The following ZBTB8A variants were observed in gnomAD, a reference collection of about 807,000 sequenced individuals.
ZBTB8A encodes the protein zinc finger and BTB domain-containing protein 8A.
A neutral mutation model predicts 37.8 loss-of-function variants in ZBTB8A; 19 were observed. The ratio of observed to expected loss-of-function variants is 0.50; its 90% CI spans 0.35 to 0.74. The LOEUF (loss-of-function observed/expected upper bound fraction) is 0.74. Ranked by LOEUF, ZBTB8A falls within the 30% of genes least tolerant of loss-of-function variation. The pLI is 0.01. For missense variants in ZBTB8A, 394 were observed against 537.8 expected (o/e 0.73, Z 2.65); for synonymous variants, 181 against 185.2 (o/e 0.98, Z 0.19).
intron 2 of ZBTB8A, among the ~76,000 whole-genome samples, chr1:32,567,458 T>G (rs1644288892): frequency 6.6e-6 from 1 of 152,148 alleles, no homozygotes; most frequent in South Asian, 2.1e-4. Context: ...AAACTGGCTC[T>G]TTTACCAAAT....
intron 2 of ZBTB8A, among the ~76,000 whole-genome samples, chr1:32,590,270 G>C (rs1001663132): frequency 1.3e-5 from 2 of 151,986 alleles, no homozygotes; most frequent in African/African-American, 4.8e-5. Flanking sequence ...CCCACACCAA[G>C]CAGGTAAAGT....
chr1:32,598,212 A>T (rs1644547516), intron 4 of ZBTB8A, among the ~76,000 whole-genome samples: 1 of 142,934 alleles, frequency 7.0e-6, no homozygotes, highest in Non-Finnish European at 1.5e-5. Flanking sequence ...AGACTGTATT[A>T]GCTTTCTTGG....
chr1:32,555,476 G>C (rs981443762), intron 2 of ZBTB8A, among the ~76,000 whole-genome samples: 1 of 152,144 alleles, frequency 6.6e-6, no homozygotes, highest in Non-Finnish European at 1.5e-5. Context: ...ATTACTGCCT[G>C]TTGGCCCTTT....
At chr1:32,581,060 C>G (rs964486354) in intron 2 of ZBTB8A, among the ~76,000 whole-genome samples, 1 of 131,242 alleles carries the variant, frequency 7.6e-6, no homozygotes, top group South Asian at 2.3e-4. Context: ...GACATTAAAA[C>G]CATAGCAATG....
At chr1:32,557,175 G>A (rs943810634) in intron 2 of ZBTB8A, among the ~76,000 whole-genome samples, 6 of 151,176 alleles carry the variant, frequency 4.0e-5, no homozygotes, top group South Asian at 2.1e-4. Context: ...GATGGTGTGC[G>A]CCTGTAGTCC....
At chr1:32,562,569 CTTTTTT>C (rs751648634) in intron 2 of ZBTB8A, among the ~76,000 whole-genome samples, 1 of 111,844 alleles carries the variant, frequency 8.9e-6, no homozygotes, top group Admixed American at 9.7e-5. Flanking sequence ...CCGCGTCCGG[CTTTTTT>C]TTTTTTTTTT....
rs1644569386 is a variant in ZBTB8A at position 32,600,680 on chromosome 1, C to A, written c.*261C>A. 2 of 361,840 alleles carry A rather than the reference C, an allele frequency of 5.5e-6. No individual in the cohort carries two copies. The highest frequency in any genetic ancestry group is 1.0e-5 in the Non-Finnish European group (2 of 199,522). The allele number at this position is 361,840 out of a possible 1,614,324, so 22.4% of individuals were successfully genotyped here. A position where few individuals can be genotyped will look rare whatever the true frequency, so the allele number is the denominator to read the frequency against. On this transcript the variant is annotated 3_prime_UTR_variant, in exon 5 of 5. Transcript: ENST00000373510. ...AACAATTATCCTCTTACTTTCATTA[C>A]AATCCTCTTACTTTATTCCAGAGAT...
At position 32,600,140 on chromosome 1, in the gene ZBTB8A, T is replaced by C; in HGVS notation, c.1047T>C (p.Asp349=). 1 of 1,614,200 alleles carries C rather than the reference T, an allele frequency of 6.2e-7. No individual in the cohort carries two copies. The highest frequency in any genetic ancestry group is 8.5e-7 in the Non-Finnish European group (1 of 1,180,038). The change falls in exon 5 of 5, where the codon GAT becomes GAC. Residue 349 remains aspartate, a synonymous_variant. Coordinates refer to ENST00000373510, the MANE Select transcript of ZBTB8A (RefSeq NM_001040441.3). The part of the protein sequence containing the change: ...ICRKCKRHVT[D]LTGQVVQEGT... ...GAAAATGTAAACGTCATGTGACAGA[T>C]CTAACAGGGCAAGTGGTACAGGAGG...
chr1:32,571,892 G>A lies in ZBTB8A; in HGVS notation c.-2+18352G>A, dbSNP rs111462143. On this transcript the variant is annotated intron_variant, in intron 2 of 4. Coordinates refer to ENST00000373510, the MANE Select transcript of ZBTB8A (RefSeq NM_001040441.3). ...GCGCCCGGCCACAAATATAATATTA[G>A]GTTGGGGGTTTTTTTTGTTTGTTTT... is the stretch of plus-strand genomic sequence containing the variant. Among the ~76,000 whole-genome samples the A allele has an allele frequency of 5.1e-3, 767 of 151,744 alleles. 10 individuals carry two copies. The highest frequency in any genetic ancestry group is 0.043 in the East Asian group (222 of 5,140).
Position 32,545,153 on chromosome 1 carries a change from G to A in ZBTB8A, c.-84+5581G>A, listed in dbSNP as rs369252139. Among the ~76,000 whole-genome samples, 26 of 151,690 alleles carry A rather than the reference G, an allele frequency of 1.7e-4. No homozygotes were observed. The East Asian group carries it at 4.8e-3, about 28-fold the overall frequency. ...GAAGGTTCTTACTTATCTATACTCT[G>A]GCCAACACTTAGTATTTTCATGTTT... On this transcript the variant is annotated intron_variant, in intron 1 of 4. Transcript: ENST00000373510.
intron 4 of ZBTB8A, among the ~76,000 whole-genome samples, chr1:32,597,820 G>A (rs1280667079): frequency 6.6e-6 from 1 of 152,088 alleles, no homozygotes; most frequent in Non-Finnish European, 1.5e-5. Flanking sequence ...CACGATCTCA[G>A]CTTACCACAA....
intron 1 of ZBTB8A, among the ~76,000 whole-genome samples, chr1:32,541,088 G>A (rs1198975998): frequency 6.6e-6 from 1 of 152,220 alleles, no homozygotes; most frequent in Non-Finnish European, 1.5e-5. Flanking sequence ...AGATAAAACT[G>A]TGTAATAGAC....
chr1:32,584,363 C>T (rs1288473846), intron 2 of ZBTB8A, among the ~76,000 whole-genome samples: 4 of 151,152 alleles, frequency 2.6e-5, no homozygotes, highest in East Asian at 1.9e-4. Context: ...TATACAAAGA[C>T]GGGAAAACGT....
chr1:32,570,504 A>G (rs1425344172), intron 2 of ZBTB8A, among the ~76,000 whole-genome samples: 2 of 152,214 alleles, frequency 1.3e-5, no homozygotes, highest in African/African-American at 2.4e-5. Flanking sequence ...CCACTTGAAT[A>G]GAATTGACAT....
chr1:32,569,980 T>C (rs1414404332), intron 2 of ZBTB8A, among the ~76,000 whole-genome samples: 1 of 152,176 alleles, frequency 6.6e-6, no homozygotes, highest in Non-Finnish European at 1.5e-5. Context: ...CCCAAAGACT[T>C]TCTCCTTTGT....
chr1:32,567,584 G>A (rs544910029), intron 2 of ZBTB8A, among the ~76,000 whole-genome samples: 76 of 151,484 alleles, frequency 5.0e-4, no homozygotes, highest in Non-Finnish European at 9.1e-4. Context: ...CACAAGGTCA[G>A]GAGATCGAGA....
rs371036633 is a variant in ZBTB8A, at chr1:32,600,446, A to G, written c.*27A>G. 1 of 1,535,702 alleles carries G rather than the reference A, an allele frequency of 6.5e-7. No homozygotes were observed. The highest frequency in any genetic ancestry group is 1.8e-5 in the Admixed American group (1 of 55,638). On this transcript the variant is annotated 3_prime_UTR_variant, in exon 5 of 5. Transcript: ENST00000373510. Reference sequence around the variant, plus strand: ...TGTAATGTGAACCAACAGAGCTGGCATGTCTGCAATTTACATTGACTTCCT... The same window carrying G: ...TGTAATGTGAACCAACAGAGCTGGCGTGTCTGCAATTTACATTGACTTCCT...
At chr1:32,560,984 G>C (rs1376251862) in intron 2 of ZBTB8A, among the ~76,000 whole-genome samples, 1 of 151,850 alleles carries the variant, frequency 6.6e-6, no homozygotes, top group African/African-American at 2.4e-5. Flanking sequence ...CTCCTGCCTG[G>C]TCTCACTGCC....
chr1:32,591,504 C>A (rs1644488079), intron 2 of ZBTB8A, among the ~76,000 whole-genome samples: 1 of 152,090 alleles, frequency 6.6e-6, no homozygotes, highest in African/African-American at 2.4e-5. Flanking sequence ...TAGGCGTGAG[C>A]TACCACCCTG....
Sources: allele counts gnomAD v4.1 joint callset (sites outside exome capture counted in the v4.1 genomes callset), GRCh38; gene constraint gnomAD v4.1.1; transcripts MANE v1.5; gene names NCBI Gene and HGNC (gene_info 2026-07-23, HGNC 2026-07-21).